PPIL4: variants seen among roughly 807,000 people sequenced by gnomAD.
PPIL4 encodes the protein peptidyl-prolyl cis-trans isomerase-like 4.
Under a neutral mutation model 69.1 loss-of-function variants are expected in PPIL4, and 50 were observed. The ratio of observed to expected loss-of-function variants is 0.72; its 90% CI spans 0.58 to 0.92. The LOEUF (loss-of-function observed/expected upper bound fraction) is 0.92. Among genes scored for constraint, PPIL4 ranks in the 40% least tolerant of loss-of-function variants. The pLI is 0.00. For synonymous variants in PPIL4, 193 were observed against 191.6 expected, an observed-to-expected ratio of 1.01 and a Z score of -0.06; for missense variants, 480 against 587.9, an observed-to-expected ratio of 0.82 and a Z score of 1.90.
In PPIL4 at chr6:149,525,555, G is replaced by A. The variant is rs1361423450; in HGVS notation, c.804-346C>T. 2.6e-5 allele frequency among the ~76,000 whole-genome samples: 4 copies of A among 151,972 alleles called. No individual in the cohort carries two copies. In the East Asian group the frequency reaches 5.8e-4, roughly 22 times the overall value. On this transcript the variant is annotated intron_variant, in intron 8 of 12. Transcript: ENST00000253329. ...ACACTTTTCTAGTCCAAATATAGTCGAATTATAGAATATCTAACATCTAAC... is the reference window on the plus strand; with the variant it reads ...ACACTTTTCTAGTCCAAATATAGTCAAATTATAGAATATCTAACATCTAAC...
intron 12 of PPIL4, among the ~76,000 whole-genome samples, chr6:149,508,764 A>T (rs538387281): frequency 7.9e-5 from 12 of 152,280 alleles, no homozygotes; most frequent in Non-Finnish European, 1.6e-4. Flanking sequence ...CACAAAAACC[A>T]TCTCTGGAAT....
At position 149,517,372 on chromosome 6, in the gene PPIL4, TTATC is replaced by T; in HGVS notation, c.1057_1060del (p.Asp353LysfsTer2). 1 of 1,597,626 alleles carries T rather than the reference TTATC, an allele frequency of 6.3e-7. No individual in the cohort carries two copies. The highest frequency in any genetic ancestry group is 8.6e-7 in the Non-Finnish European group (1 of 1,165,706). ...AGGATACTCCTGTTTGGGCTTTACT[TTATC>T]TTTCAGAACCAAATTAGGTGGTTTA... On this transcript the variant is annotated frameshift_variant, in exon 11 of 13. Coordinates refer to ENST00000253329, the MANE Select transcript of PPIL4 (RefSeq NM_139126.4). LOFTEE classifies it high-confidence loss of function.
At chr6:149,520,123 T>C (rs1206099840) in intron 10 of PPIL4, among the ~76,000 whole-genome samples, 1 of 152,200 alleles carries the variant, frequency 6.6e-6, no homozygotes, top group African/African-American at 2.4e-5. Context: ...TATGAACTGA[T>C]CTCTTAGATA....
chr6:149,533,060 T>G (rs1777222893), intron 7 of PPIL4, among the ~76,000 whole-genome samples: 1 of 152,174 alleles, frequency 6.6e-6, no homozygotes. Context: ...TATTTTAGAG[T>G]GCTCAGTTTC....
chr6:149,532,531 AT>A (rs1239852477), intron 7 of PPIL4, among the ~76,000 whole-genome samples: 1 of 152,266 alleles, frequency 6.6e-6, no homozygotes, highest in Admixed American at 6.5e-5. Flanking sequence ...TTTTCAATTA[AT>A]TTTTTTAATT....
chr6:149,541,308 A>G (rs1396718946), intron 3 of PPIL4, 59 bp downstream of exon 3: 1 of 719,706 alleles, frequency 1.4e-6, no homozygotes, highest in African/African-American at 1.9e-5. Context: ...GCCCTTCCAG[A>G]GGTTAAAAGT....
Position 149,521,873 on chromosome 6 carries a change from A to C in PPIL4, c.871-702T>G, listed in dbSNP as rs1777036067. Among the ~76,000 whole-genome samples the C allele has an allele frequency of 1.3e-5, 2 of 152,224 alleles. 1 individual carries two copies. The highest frequency in any genetic ancestry group is 4.1e-4 in the South Asian group (2 of 4,828). On this transcript the variant is annotated intron_variant, in intron 9 of 12. Coordinates refer to ENST00000253329, the MANE Select transcript of PPIL4 (RefSeq NM_139126.4). Reference sequence around the variant, plus strand: ...TACACAAGAATCCTTCCTGTCAGTAACTTCACAATTCTAAATCCCTGTTTC... The same window carrying C: ...TACACAAGAATCCTTCCTGTCAGTACCTTCACAATTCTAAATCCCTGTTTC...
chr6:149,507,639 G>A (rs1279661774), intron 12 of PPIL4, among the ~76,000 whole-genome samples: 2 of 152,144 alleles, frequency 1.3e-5, no homozygotes, highest in Non-Finnish European at 2.9e-5. Flanking sequence ...GGGCACTTAA[G>A]TGCTTTGAGT....
intron 6 of PPIL4, among the ~76,000 whole-genome samples, chr6:149,534,008 T>G (rs1276323345): frequency 1.3e-5 from 2 of 151,840 alleles, no homozygotes; most frequent in Non-Finnish European, 2.9e-5. Context: ...ATACAAAAAT[T>G]AGCTGGGCGT....
intron 12 of PPIL4, among the ~76,000 whole-genome samples, chr6:149,508,799 C>T (rs1776801773): frequency 6.6e-6 from 1 of 152,050 alleles, no homozygotes. Flanking sequence ...GAAAATTAAA[C>T]AAACGTTTTC....
At chr6:149,521,612 T>C (rs1277523360) in intron 9 of PPIL4, among the ~76,000 whole-genome samples, 1 of 152,200 alleles carries the variant, frequency 6.6e-6, no homozygotes. Flanking sequence ...GGTTATGACC[T>C]TTTTTTATCC....
At chr6:149,511,031 T>A (rs1022605348) in intron 12 of PPIL4, among the ~76,000 whole-genome samples, 4 of 152,142 alleles carry the variant, frequency 2.6e-5, no homozygotes, top group African/African-American at 9.7e-5. Flanking sequence ...CAGCAGTATG[T>A]AAACCTAGCT....
chr6:149,541,951 T>C (rs1237089356), intron 1 of PPIL4, among the ~76,000 whole-genome samples: 1 of 151,874 alleles, frequency 6.6e-6, no homozygotes, highest in Admixed American at 6.6e-5. Context: ...GAGGTGGAGG[T>C]TGCAGTGAAC....
chr6:149,514,686 G>T (rs1776914281), intron 11 of PPIL4, among the ~76,000 whole-genome samples: 1 of 150,596 alleles, frequency 6.6e-6, no homozygotes, highest in South Asian at 2.1e-4. Context: ...TATTTAGTGG[G>T]CCACAACAGC....
intron 4 of PPIL4, among the ~76,000 whole-genome samples, chr6:149,540,114 G>A (rs1777338163): frequency 1.3e-5 from 2 of 152,010 alleles, no homozygotes; most frequent in African/African-American, 4.8e-5. Context: ...GGCTGACAGA[G>A]CAAGACTCTG....
At chr6:149,526,286 T>A (rs932902574) in intron 8 of PPIL4, among the ~76,000 whole-genome samples, 6 of 152,204 alleles carry the variant, frequency 3.9e-5, no homozygotes, top group Non-Finnish European at 8.8e-5. Flanking sequence ...AGTTTTAAAT[T>A]AATTTTGACA....
intron 9 of PPIL4, among the ~76,000 whole-genome samples, chr6:149,522,244 A>T (rs1011814101): frequency 2.0e-5 from 3 of 152,248 alleles, no homozygotes; most frequent in Admixed American, 1.3e-4. Context: ...TTTCAGGAGG[A>T]TAGTATTTGC....
chr6:149,522,586 G>T (rs1053259815), intron 9 of PPIL4, among the ~76,000 whole-genome samples: 2 of 152,030 alleles, frequency 1.3e-5, no homozygotes, highest in Non-Finnish European at 2.9e-5. Flanking sequence ...CATCAGTAGA[G>T]ACCTCAGAGA....
At chr6:149,524,599 C>A (rs958912254) in intron 9 of PPIL4, among the ~76,000 whole-genome samples, 2 of 152,132 alleles carry the variant, frequency 1.3e-5, no homozygotes, top group African/African-American at 2.4e-5. Flanking sequence ...TTACTTAGAA[C>A]TTAAAAAGTT....
Sources: allele counts gnomAD v4.1 joint callset (sites outside exome capture counted in the v4.1 genomes callset), GRCh38; gene constraint gnomAD v4.1.1; transcripts MANE v1.5; gene names NCBI Gene and HGNC (gene_info 2026-07-23, HGNC 2026-07-21).